The following DGKB variants were observed in gnomAD, a reference collection of about 807,000 sequenced individuals.
DGKB encodes 90 kDa diacylglycerol kinase.
Under a neutral mutation model 114.3 loss-of-function variants are expected in DGKB, and 67 were observed. The observed-to-expected ratio is 0.59, with a 90% CI of 0.48 to 0.72. The LOEUF is 0.72. DGKB is among the 30% of genes least tolerant of loss of function. The pLI, the probability that DGKB is intolerant of heterozygous loss-of-function variation, is 0.00. For missense variants in DGKB, 907 were observed against 975.2 expected, an observed-to-expected ratio of 0.93 and a Z score of 0.93; for synonymous variants, 398 against 323.1, an observed-to-expected ratio of 1.23 and a Z score of -2.49.
At chr7:14,214,184 C>T (rs1456710831) in intron 23 of DGKB, among the ~76,000 whole-genome samples, 1 of 152,098 alleles carries the variant, frequency 6.6e-6, no homozygotes, top group Admixed American at 6.6e-5. Flanking sequence ...TTGGTCTTTC[C>T]AATTGTCTTT....
Position 14,236,818 on chromosome 7 carries a change from G to GA in DGKB, c.2123-58668dup, listed in dbSNP as rs146776835. On this transcript the variant is annotated intron_variant, in intron 23 of 25. Coordinates refer to ENST00000402815, the MANE Select transcript of DGKB (RefSeq NM_001350709.2). ...ATCTCACAAGAATTGAAAATAAATA[G>GA]AAAAATATGTGGTGAAAACAGTCGT... Among the ~76,000 whole-genome samples the GA allele has an allele frequency of 7.6e-3, 1,155 of 151,718 alleles. 8 individuals carry two copies. Among genetic ancestry groups the GA allele is most frequent in the African/African-American group, 0.026 (1,075 of 41,448 alleles).
intron 1 of DGKB, among the ~76,000 whole-genome samples, chr7:14,972,194 T>G (rs1787509498): frequency 1.3e-5 from 2 of 152,148 alleles, no homozygotes; most frequent in Admixed American, 1.3e-4. Flanking sequence ...GTATTGCAAA[T>G]AAACTAAAGC....
intron 1 of DGKB, among the ~76,000 whole-genome samples, chr7:14,966,449 T>C (rs1007975554): frequency 1.3e-5 from 2 of 150,210 alleles, no homozygotes; most frequent in Admixed American, 1.3e-4. Context: ...TTTGTGTGTA[T>C]ATATATATAT....
intron 21 of DGKB, among the ~76,000 whole-genome samples, chr7:14,457,453 A>T (rs1832443133): frequency 6.6e-6 from 1 of 152,212 alleles, no homozygotes; most frequent in South Asian, 2.1e-4. Flanking sequence ...GAAACTTTAA[A>T]AAATAATATT....
At chr7:14,973,494 T>C (rs1787602897) in intron 1 of DGKB, among the ~76,000 whole-genome samples, 2 of 149,170 alleles carry the variant, frequency 1.3e-5, no homozygotes, top group African/African-American at 2.5e-5. Context: ...TGTTTTGTTT[T>C]TTTGTTTTGT....
rs148338610 is a variant in DGKB at position 14,794,167 on chromosome 7, C to T, written c.71-36436G>A. ...ATCTGTTCTGTTTCTCTGAAGAACC[C>T]TCACTAACACAGATTTTGGAACCAA... On this transcript the variant is annotated intron_variant, in intron 2 of 25. Coordinates refer to ENST00000402815, the MANE Select transcript of DGKB (RefSeq NM_001350709.2). Among the ~76,000 whole-genome samples, 457 of 152,154 alleles carry T rather than the reference C, an allele frequency of 3.0e-3. 1 individual carries two copies. Among genetic ancestry groups the T allele is most frequent in the Non-Finnish European group, 5.1e-3 (348 of 67,972 alleles).
chr7:14,837,996 T>C (rs1847387435), intron 2 of DGKB, among the ~76,000 whole-genome samples: 1 of 152,272 alleles, frequency 6.6e-6, no homozygotes, highest in East Asian at 1.9e-4. Flanking sequence ...TGTCTTCTCA[T>C]AGAATCCATT....
chr7:14,750,838 T>C (rs1217627726), intron 4 of DGKB, among the ~76,000 whole-genome samples: 9 of 137,362 alleles, frequency 6.6e-5, no homozygotes, highest in African/African-American at 2.3e-4. Context: ...TCTCACTCTG[T>C]TGTTGCCCAG....
chr7:14,767,301 A>C (rs1003937925), intron 2 of DGKB, among the ~76,000 whole-genome samples: 1 of 151,876 alleles, frequency 6.6e-6, no homozygotes, highest in Non-Finnish European at 1.5e-5. Context: ...TCTGGCTTAG[A>C]GTGGAGGCAT....
chr7:14,179,745 A>G (rs1451232989), intron 23 of DGKB, among the ~76,000 whole-genome samples: 1 of 152,224 alleles, frequency 6.6e-6, no homozygotes, highest in Non-Finnish European at 1.5e-5. Flanking sequence ...CAAACTTTTA[A>G]GTGAATAATA....
intron 1 of DGKB, among the ~76,000 whole-genome samples, chr7:14,919,542 C>T (rs986191752): frequency 6.6e-6 from 1 of 152,010 alleles, no homozygotes; most frequent in Admixed American, 6.6e-5. Context: ...CATTGATATC[C>T]CTTGGATATT....
chr7:14,714,555 G>T (rs1403318437), intron 6 of DGKB, among the ~76,000 whole-genome samples: 1 of 152,064 alleles, frequency 6.6e-6, no homozygotes, highest in East Asian at 1.9e-4. Flanking sequence ...TTTTAAGTAA[G>T]ATGAAAGGAA....
chr7:14,364,744 A>C (rs981412249), intron 21 of DGKB, among the ~76,000 whole-genome samples: 1 of 152,038 alleles, frequency 6.6e-6, no homozygotes, highest in African/African-American at 2.4e-5. Flanking sequence ...AGATTTAATC[A>C]TAGGAAATGG....
intron 1 of DGKB, among the ~76,000 whole-genome samples, chr7:14,922,744 A>T (rs556961461): frequency 6.6e-6 from 1 of 152,280 alleles, no homozygotes; most frequent in South Asian, 2.1e-4. Flanking sequence ...ACCAATAATA[A>T]TTGAGTATAT....
At chr7:14,621,553 TAA>T in intron 14 of DGKB, 59 bp from the exon 15 acceptor site, 1 of 1,070,528 alleles carries the variant, frequency 9.3e-7, no homozygotes, top group Non-Finnish European at 1.4e-6. Flanking sequence ...AATAAAATGT[TAA>T]GTTGTTTTTA....
rs13247107 is a variant in DGKB, at chr7:14,910,260, A to G, written c.-188+64436T>C. On this transcript the variant is annotated intron_variant, in intron 1 of 4. Coordinates refer to the DGKB transcript ENST00000437998. Reference sequence around the variant, plus strand: ...CATCAAAAAAAGAAAGAAAGAAAGAAAGAAAGAAAGAAAGAAAGAAAGAAA... The same window carrying G: ...CATCAAAAAAAGAAAGAAAGAAAGAGAGAAAGAAAGAAAGAAAGAAAGAAA... Among the ~76,000 whole-genome samples, 613 of 79,018 alleles carry G rather than the reference A, an allele frequency of 7.8e-3. 13 individuals carry two copies. Among genetic ancestry groups the G allele is most frequent in the African/African-American group, 0.028 (481 of 17,062 alleles). 51.8% of individuals were successfully genotyped at this position (79,018 alleles called of 152,430 possible).
At chr7:14,747,129 A>C (rs774279077) in intron 4 of DGKB, among the ~76,000 whole-genome samples, 1 of 151,564 alleles carries the variant, frequency 6.6e-6, no homozygotes, top group Non-Finnish European at 1.5e-5. Context: ...GAGCAAAATT[A>C]ATTTATCTCA....
rs200130224 is a variant in DGKB at position 14,254,658 on chromosome 7, TTTATATATTTCAA to T, written c.2123-76520_2123-76508del. Among the ~76,000 whole-genome samples, 51 of 152,340 alleles carry T rather than the reference TTTATATATTTCAA, an allele frequency of 3.3e-4. No individual in the cohort carries two copies. The East Asian group carries it at 8.5e-3, about 25-fold the overall frequency. On this transcript the variant is annotated intron_variant, in intron 23 of 25. Coordinates refer to ENST00000402815, the MANE Select transcript of DGKB (RefSeq NM_001350709.2). ...CCCTACATATACATACATAGAGTAC[TTTATATATTTCAA>T]TTATTATTTCTAGCCACTTCTAGTT...
intron 23 of DGKB, among the ~76,000 whole-genome samples, chr7:14,252,996 T>G (rs1004566678): frequency 2.0e-5 from 3 of 152,162 alleles, no homozygotes; most frequent in Non-Finnish European, 4.4e-5. Flanking sequence ...ATTCCTTAGC[T>G]CTTGTGAAGA....
Sources: allele counts gnomAD v4.1 joint callset (sites outside exome capture counted in the v4.1 genomes callset), GRCh38; gene constraint gnomAD v4.1.1; transcripts MANE v1.5; gene names NCBI Gene and HGNC (gene_info 2026-07-23, HGNC 2026-07-21).